The following MON1B variants were observed in gnomAD, a reference collection of about 807,000 sequenced individuals.
The protein encoded by MON1B is MON1 vesicular trafficking associated B.
Under a neutral mutation model 45.1 loss-of-function variants are expected in MON1B, and 26 were observed. The observed-to-expected ratio is 0.58, with a 90% CI of 0.42 to 0.80. The LOEUF (loss-of-function observed/expected upper bound fraction) is 0.80. MON1B is among the 30% of genes least tolerant of loss of function. MON1B has a pLI of 0.00. For synonymous variants in MON1B, 395 were observed against 320.2 expected (o/e 1.23, Z -2.49); for missense variants, 737 against 754.5 (o/e 0.98, Z 0.27).
At position 77,194,582 on chromosome 16, in the gene MON1B, A is replaced by G. The variant is rs758415910; in HGVS notation, c.723A>G (p.Gly241=). ...RLLDSMEQDP[G]ALLLGAVRCV... is the part of the protein sequence containing the mutation. ...TGGACAGTATGGAGCAGGACCCAGG[A>G]GCCCTGCTCCTGGGTGCCGTGCGCT... Residue 241 remains glycine (G), a synonymous_variant, in exon 4 of 6, where the codon GGA becomes GGG. Transcript: ENST00000248248. This position sits in a 1 kb window ranked among gnomAD's most constrained non-coding sequence, Gnocchi z 8.1. 6.2e-7 allele frequency: 1 copy of G among 1,613,800 alleles called. No homozygotes were observed. The highest frequency in any genetic ancestry group is 2.2e-5 in the East Asian group (1 of 44,870).
In MON1B at chr16:77,199,488, C is replaced by G; in HGVS notation, c.*1180C>G. On this transcript the variant is annotated 3_prime_UTR_variant, in exon 6 of 6. Transcript: ENST00000248248. ...GCTGAAACCTCTGAATGTGGAGGCG[C>G]CAGAAGCTACTGAGGAGGCTGAAGG... is the stretch of plus-strand genomic sequence containing the variant. The G allele has an allele frequency of 4.5e-6, 7 of 1,551,388 alleles. No homozygotes were observed. The highest frequency in any genetic ancestry group is 6.1e-6 in the Non-Finnish European group (7 of 1,146,948).
intron 1 of MON1B, 64 bp downstream of exon 1, chr16:77,191,322 G>GT: frequency 1.5e-5 from 23 of 1,545,332 alleles, no homozygotes; most frequent in Non-Finnish European, 1.9e-5. Context: ...AGTGTTGGAG[G>GT]GGGGACGTAT....
chr16:77,194,210 C>G lies in MON1B; in HGVS notation c.476-125C>G, dbSNP rs753441710. 21 of 879,050 alleles carry G rather than the reference C, an allele frequency of 2.4e-5. No homozygotes were observed. Among genetic ancestry groups the G allele is most frequent in the Non-Finnish European group, 3.4e-5 (18 of 530,218 alleles). The allele number at this position is 879,050 out of a possible 1,614,324, so 54.5% of individuals were successfully genotyped here. On this transcript the variant is annotated intron_variant, in intron 3 of 5. Transcript: ENST00000248248. This position sits in a 1 kb window ranked among gnomAD's most constrained non-coding sequence, Gnocchi z 8.1. ...GTCCTTACCCCAGTCCAGGTGCCCA[C>G]AGAGTGAGCATGTGGACTCGGGCCT...
In MON1B at chr16:77,199,553, A is replaced by G; in HGVS notation, c.*1245A>G. 1 of 1,424,362 alleles carries G rather than the reference A, an allele frequency of 7.0e-7. No homozygotes were observed. The highest frequency in any genetic ancestry group is 9.7e-7 in the Non-Finnish European group (1 of 1,034,996). The allele number at this position is 1,424,362 out of a possible 1,614,324, so 88.2% of individuals were successfully genotyped here. On this transcript the variant is annotated 3_prime_UTR_variant, in exon 6 of 6. Transcript: ENST00000248248. ...GGGCTGCACTCCTTTCTCTCCAACC[A>G]GGGCAGAAAGGAGGGAGGATTCGTC...
Position 77,199,498 on chromosome 16 carries a change from C to G in MON1B, c.*1190C>G. 1 of 1,551,402 alleles carries G rather than the reference C, an allele frequency of 6.4e-7. No homozygotes were observed. The highest frequency in any genetic ancestry group is 1.4e-5 in the African/African-American group (1 of 73,142). ...CTGAATGTGGAGGCGCCAGAAGCTA[C>G]TGAGGAGGCTGAAGGTAGTGAGGGC... On this transcript the variant is annotated 3_prime_UTR_variant, in exon 6 of 6. Coordinates refer to ENST00000248248, the MANE Select transcript of MON1B (RefSeq NM_014940.4).
In MON1B at chr16:77,199,324, A is replaced by T. The variant is rs2054702230; in HGVS notation, c.*1016A>T. The T allele has an allele frequency of 7.1e-6, 6 of 848,524 alleles. No homozygotes were observed. Among genetic ancestry groups the T allele is most frequent in the Non-Finnish European group, 1.1e-5 (6 of 535,330 alleles). The allele number at this position is 848,524 out of a possible 1,614,324, so 52.6% of individuals were successfully genotyped here. A position where few individuals can be genotyped will look rare whatever the true frequency, so the allele number is the denominator to read the frequency against. On this transcript the variant is annotated 3_prime_UTR_variant, in exon 6 of 6. Coordinates refer to ENST00000248248, the MANE Select transcript of MON1B (RefSeq NM_014940.4). Reference sequence around the variant, plus strand: ...TGTGTTCTGCGCCTGCCCAGAGCTGACTCCTGATTTAACCGCTGGCGTAAC... The same window carrying T: ...TGTGTTCTGCGCCTGCCCAGAGCTGTCTCCTGATTTAACCGCTGGCGTAAC...
rs1335298218 is a variant in MON1B at position 77,201,117 on chromosome 16, C to A, written c.*2809C>A. The A allele has an allele frequency of 6.6e-6, 1 of 152,156 alleles. No individual in the cohort carries two copies. Among genetic ancestry groups the A allele is most frequent in the Non-Finnish European group, 1.5e-5 (1 of 68,036 alleles). 9.4% of individuals were successfully genotyped at this position (152,156 alleles called of 1,614,324 possible). ...CTGTTTACCTCTCGCTCCCCTGCAC[C>A]TAAAACAATGCCTGCTTGGTGTAAA... is the stretch of plus-strand genomic sequence containing the variant. On this transcript the variant is annotated 3_prime_UTR_variant, in exon 6 of 6. Coordinates refer to ENST00000248248, the MANE Select transcript of MON1B (RefSeq NM_014940.4).
chr16:77,191,213 G>C lies in MON1B; in HGVS notation c.-56G>C. On this transcript the variant is annotated 5_prime_UTR_variant, in exon 1 of 6. Coordinates refer to ENST00000248248, the MANE Select transcript of MON1B (RefSeq NM_014940.4). ...GGAAGTGTGATGCCACCGCCGCTACGGGGAAGTAATGGTATCCGGCCAATT... is the reference window on the plus strand; with the variant it reads ...GGAAGTGTGATGCCACCGCCGCTACCGGGAAGTAATGGTATCCGGCCAATT... 1 of 1,536,306 alleles carries C rather than the reference G, an allele frequency of 6.5e-7. No individual in the cohort carries two copies. Among genetic ancestry groups the C allele is most frequent in the Non-Finnish European group, 8.7e-7 (1 of 1,146,906 alleles).
Position 77,195,688 on chromosome 16 carries a change from T to C in MON1B, c.1443+6T>C, listed in dbSNP as rs1240248329. 7 of 1,613,942 alleles carry C rather than the reference T, an allele frequency of 4.3e-6. No individual in the cohort carries two copies. Among genetic ancestry groups the C allele is most frequent in the Non-Finnish European group, 5.9e-6 (7 of 1,179,966 alleles). On this transcript the variant is annotated splice_donor_region_variant and intron_variant, in intron 5 of 5. Coordinates refer to ENST00000248248, the MANE Select transcript of MON1B (RefSeq NM_014940.4). The stretch of plus-strand genomic sequence containing the variant: ...AGGAGACACTACTGGCCTGGGTAAG[T>C]TGGGCAGGGCTCTGAGTGAATTAAT...
chr16:77,199,288 C>A lies in MON1B; in HGVS notation c.*980C>A, dbSNP rs570238995. The A allele has an allele frequency of 7.3e-5, 46 of 630,526 alleles. No individual in the cohort carries two copies. The East Asian group carries it at 1.3e-3, about 18-fold the overall frequency. 39.1% of individuals were successfully genotyped at this position (630,526 alleles called of 1,614,324 possible). ...AGGTTGTAGCATGTGTGCTGGCAAT[C>A]AGGGCCGCAGTGTGTTCTGCGCCTG... On this transcript the variant is annotated 3_prime_UTR_variant, in exon 6 of 6. Coordinates refer to ENST00000248248, the MANE Select transcript of MON1B (RefSeq NM_014940.4).
At chr16:77,192,720 G>T (rs530905115) in intron 2 of MON1B, among the ~76,000 whole-genome samples, 1 of 152,186 alleles carries the variant, frequency 6.6e-6, no homozygotes, top group South Asian at 2.1e-4. Flanking sequence ...TAGACATGGA[G>T]TAGAATAACT....
intron 5 of MON1B, among the ~76,000 whole-genome samples, chr16:77,195,981 G>A (rs897951281): frequency 3.3e-5 from 5 of 152,152 alleles, no homozygotes; most frequent in Admixed American, 1.3e-4. Context: ...TGTGCCTGCC[G>A]ATTCCCCAGT....
At position 77,194,257 on chromosome 16, in the gene MON1B, G is replaced by A; in HGVS notation, c.476-78G>A. 1.5e-6 allele frequency: 2 copies of A among 1,293,108 alleles called. No homozygotes were observed. Among genetic ancestry groups the A allele is most frequent in the South Asian group, 2.4e-5 (2 of 84,206 alleles). 80.1% of individuals were successfully genotyped at this position (1,293,108 alleles called of 1,614,324 possible). A position where few individuals can be genotyped will look rare whatever the true frequency, so the allele number is the denominator to read the frequency against. ...GCCTGGTGTGTGTATGGTAGGAGAG[G>A]GCAGAAGAGCCCCACTGTCTCCCTC... is the stretch of plus-strand genomic sequence containing the variant. On this transcript the variant is annotated intron_variant, in intron 3 of 5. Transcript: ENST00000248248. The surrounding 1 kb of genome is among the most constrained non-coding windows in gnomAD (Gnocchi z 8.1).
chr16:77,198,072 T>C (rs2054684609), intron 5 of MON1B, 36 bp from the exon 6 acceptor site: 1 of 1,596,592 alleles, frequency 6.3e-7, no homozygotes, highest in Admixed American at 1.7e-5. Flanking sequence ...TAGCCAGCTC[T>C]GGCCCATCTG....
intron 2 of MON1B, among the ~76,000 whole-genome samples, chr16:77,192,988 G>C (rs773860348): frequency 2.0e-5 from 3 of 152,016 alleles, no homozygotes; most frequent in African/African-American, 7.3e-5. Flanking sequence ...GTAGTAGCGG[G>C]GGTTGGGGCA....
intron 5 of MON1B, among the ~76,000 whole-genome samples, chr16:77,196,757 C>A (rs1166739583): frequency 6.6e-6 from 1 of 152,200 alleles, no homozygotes; most frequent in Admixed American, 6.5e-5. Flanking sequence ...GCCTGGGCGA[C>A]AGAGTAAGAC....
chr16:77,195,494 C>G, intron 4 of MON1B, 41 bp from the exon 5 acceptor site: 1 of 1,584,988 alleles, frequency 6.3e-7, no homozygotes, highest in Non-Finnish European at 8.6e-7. Context: ...CCAAGAAGGC[C>G]CTGGACTAAC....
rs950518170 is a variant in MON1B at position 77,197,952 on chromosome 16, C to G, written c.1444-156C>G. ...CTGAAATTGCACAATATCAGCTTAC[C>G]TACCTTAGCCCAGTATCTAGGCAGC... On this transcript the variant is annotated intron_variant, in intron 5 of 5. Transcript: ENST00000248248. Among the ~76,000 whole-genome samples, 26 of 152,268 alleles carry G rather than the reference C, an allele frequency of 1.7e-4. 1 individual carries two copies. The highest frequency in any genetic ancestry group is 6.3e-4 in the African/African-American group (26 of 41,558).
intron 1 of MON1B, 54 bp from the exon 2 acceptor site, chr16:77,191,422 G>A (rs1156547474): frequency 7.0e-6 from 11 of 1,575,126 alleles, no homozygotes; most frequent in African/African-American, 1.4e-5. Context: ...CTCTATAAAG[G>A]CTTTTCAGAA....
Sources: allele counts gnomAD v4.1 joint callset (sites outside exome capture counted in the v4.1 genomes callset), GRCh38; gene constraint gnomAD v4.1.1; non-coding constraint Gnocchi (gnomAD v3.1); transcripts MANE v1.5; gene names NCBI Gene and HGNC (gene_info 2026-07-23, HGNC 2026-07-21).